Variants in MNX1 observed in about 807,000 individuals in gnomAD.
The protein encoded by MNX1 is motor neuron and pancreas homeobox 1, also known as motor neuron and pancreas homeobox protein 1.
In MNX1, 2 loss-of-function variants were observed where a neutral mutation model predicts 17.3. The observed-to-expected ratio is 0.12, with a 90% CI of 0.05 to 0.36. The LOEUF (loss-of-function observed/expected upper bound fraction) is 0.36, where lower values mean the gene tolerates loss of function less well. Ranked by LOEUF, MNX1 falls within the 10% of genes least tolerant of loss-of-function variation. MNX1 has a pLI of 1.00. For synonymous variants in MNX1, 306 were observed against 283.1 expected (o/e 1.08, Z -0.81); for missense variants, 556 against 564.7 (o/e 0.98, Z 0.16).
chr7:157,005,958 G>C, intron 2 of MNX1, 85 bp from the exon 3 acceptor site: 1 of 1,516,446 alleles, frequency 6.6e-7, no homozygotes, highest in South Asian at 1.1e-5. Context: ...CGTGCGCCTG[G>C]GCCCCATTGG....
chr7:157,009,574 A>C, intron 1 of MNX1, 86 bp downstream of exon 1: 2 of 1,541,116 alleles, frequency 1.3e-6, no homozygotes, highest in Non-Finnish European at 1.8e-6. Context: ...GCTGGGAGCC[A>C]AGCGCAGAGA....
Position 157,006,372 on chromosome 7 carries a change from G to A in MNX1, c.852+107C>T, listed in dbSNP as rs1002274390. On this transcript the variant is annotated intron_variant, in intron 2 of 2. Coordinates refer to ENST00000252971, the MANE Select transcript of MNX1 (RefSeq NM_005515.4). This position sits in a 1 kb window ranked among gnomAD's most constrained non-coding sequence, Gnocchi z 6.3. ...AACCCGTGCGCCCGCCGTCTGAACC[G>A]TCGAGGCGCAGCGCTAGATGCCTCA... The A allele has an allele frequency of 1.0e-5, 13 of 1,301,182 alleles. No individual in the cohort carries two copies. Among genetic ancestry groups the A allele is most frequent in the African/African-American group, 8.8e-5 (6 of 68,042 alleles). 80.6% of individuals were successfully genotyped at this position (1,301,182 alleles called of 1,614,324 possible). A position where few individuals can be genotyped will look rare whatever the true frequency, so the allele number is the denominator to read the frequency against.
At chr7:157,008,927 C>A in intron 1 of MNX1, 2 of 1,493,100 alleles carry the variant, frequency 1.3e-6, no homozygotes, top group African/African-American at 1.4e-5. Context: ...GGAAGCTGCC[C>A]GAAGCCCAGC....
In MNX1 at chr7:157,006,482, G is replaced by T. The variant is rs768053476; in HGVS notation, c.849C>A (p.Thr283=). 8 of 1,610,168 alleles carry T rather than the reference G, an allele frequency of 5.0e-6. No homozygotes were observed. In the Admixed American group the frequency reaches 1.3e-4, roughly 27 times the overall value. The change falls in exon 2 of 3, where the codon ACC becomes ACA. Residue 283 remains threonine (T), a synonymous_variant. Coordinates refer to ENST00000252971, the MANE Select transcript of MNX1 (RefSeq NM_005515.4). This position sits in a 1 kb window ranked among gnomAD's most constrained non-coding sequence, Gnocchi z 6.3. ...CGGGGGCGGGGAGGGCGCGCACCTG[G>T]GTCTCGGTGAGCATGAGCGAGGTGG... ...EVATSLMLTE[T]QVKIWFQNRR...
chr7:157,007,844 C>T (rs1430336709), intron 1 of MNX1: 2 of 152,212 alleles, frequency 1.3e-5, no homozygotes, highest in Non-Finnish European at 2.9e-5. Flanking sequence ...TCAAACAAGG[C>T]CCCGAATTCC....
chr7:157,007,660 A>G (rs944940529), intron 1 of MNX1: 3 of 152,232 alleles, frequency 2.0e-5, no homozygotes, highest in African/African-American at 7.2e-5. Flanking sequence ...ATCACAGAGA[A>G]TTTTATGACC....
chr7:157,010,033 C>T lies in MNX1; in HGVS notation c.318G>A (p.Thr106=), dbSNP rs1319001113. 3 of 984,102 alleles carry T rather than the reference C, an allele frequency of 3.0e-6. No homozygotes were observed. The highest frequency in any genetic ancestry group is 3.6e-6 in the Non-Finnish European group (3 of 837,198). The allele number at this position is 984,102 out of a possible 1,614,324, so 61.0% of individuals were successfully genotyped here. A position where few individuals can be genotyped will look rare whatever the true frequency, so the allele number is the denominator to read the frequency against. ...FLGAGGGGGG[T]GGGHGGPHHH... ...GGTGGGGCCCCCCGTGCCCGCCGCC[C>T]GTGCCGCCGCCGCCGCCGCCCGCGC... Residue 106 remains threonine, a synonymous_variant, in exon 1 of 3, where the codon ACG becomes ACA. Coordinates refer to ENST00000252971, the MANE Select transcript of MNX1 (RefSeq NM_005515.4).
Position 157,010,066 on chromosome 7 carries a change from G to A in MNX1, c.285C>T (p.Gly95=). The A allele has an allele frequency of 1.0e-6, 1 of 997,508 alleles. No homozygotes were observed. The highest frequency in any genetic ancestry group is 1.2e-6 in the Non-Finnish European group (1 of 841,326). 61.8% of individuals were successfully genotyped at this position (997,508 alleles called of 1,614,324 possible). The change falls in exon 1 of 3, where the codon GGC becomes GGT. Residue 95 remains glycine (G), a synonymous_variant. Coordinates refer to ENST00000252971, the MANE Select transcript of MNX1 (RefSeq NM_005515.4). The stretch of plus-strand genomic sequence containing the variant: ...CGCCGCCGCCGCCCGCGCCCAGGAA[G>A]CCCGGCTTGGGCAGCAGCGCGCAGT... ...AAHCALLPKP[G]FLGAGGGGGG... is the part of the protein sequence containing the mutation.
chr7:157,009,870 G>T lies in MNX1; in HGVS notation c.481C>A (p.His161Asn). ...GLPAQAALYG[H>N]PVYGYSAAAA... ...GCCGCGGAGTAGCCGTAGACCGGGT[G>T]GCCGTAGAGCGCCGCCTGCGCCGGG... is the stretch of plus-strand genomic sequence containing the variant. Residue 161 changes from histidine (H) to asparagine (N), a missense_variant, in exon 1 of 3, where the codon CAC (histidine) becomes AAC (asparagine). By Grantham distance (68) the His-to-Asn change is moderately conservative (BLOSUM62 1). This residue lies in a region of MNX1 where 210 missense variants were observed against 211.3 expected (regional missense o/e 0.99). Coordinates refer to ENST00000252971, the MANE Select transcript of MNX1 (RefSeq NM_005515.4). The T allele has an allele frequency of 6.8e-7, 1 of 1,463,754 alleles. No individual in the cohort carries two copies. Among genetic ancestry groups the T allele is most frequent in the African/African-American group, 1.5e-5 (1 of 67,458 alleles). 90.7% of individuals were successfully genotyped at this position (1,463,754 alleles called of 1,614,324 possible). A position where few individuals can be genotyped will look rare whatever the true frequency, so the allele number is the denominator to read the frequency against.
chr7:157,010,270 C>A lies in MNX1; in HGVS notation c.81G>T (p.Pro27=). 1 of 1,513,536 alleles carries A rather than the reference C, an allele frequency of 6.6e-7. No homozygotes were observed. The highest frequency in any genetic ancestry group is 8.9e-7 in the Non-Finnish European group (1 of 1,129,562). The allele number at this position is 1,513,536 out of a possible 1,614,324, so 93.8% of individuals were successfully genotyped here. The change falls in exon 1 of 3, where the codon CCG becomes CCT. Residue 27 remains proline, a synonymous_variant. Transcript: ENST00000252971. ...CGGCGAGCGACGTGACCAAGGCCAG[C>A]GGCGCGCTCTGCGCAGAGGCGGCTC... The part of the protein sequence containing the change: ...PPRAASAQSA[P]LALVTSLAAA...
intron 1 of MNX1, chr7:157,007,459 C>T (rs1486981323): frequency 6.6e-6 from 1 of 152,374 alleles, no homozygotes. Flanking sequence ...ACCCTCCCAC[C>T]TTCCAAATGT....
chr7:157,005,763 C>A lies in MNX1; in HGVS notation c.963G>T (p.Gly321=). The A allele has an allele frequency of 6.2e-7, 1 of 1,609,626 alleles. No individual in the cohort carries two copies. The highest frequency in any genetic ancestry group is 1.3e-5 in the African/African-American group (1 of 75,014). ...CTCCCGGCTCCTCCGCGCCGCCCTT[C>A]CCCGCGCCCCCGCCGCCGCCCTTCT... ...EKQKGGGGGA[G]KGGAEEPGAE... is the part of the protein sequence containing the mutation. The change falls in exon 3 of 3, where the codon GGG becomes GGT. Residue 321 remains glycine (G), a synonymous_variant. Transcript: ENST00000252971.
In MNX1 at chr7:157,009,988, T is replaced by C; in HGVS notation, c.363A>G (p.Ala121=). The C allele has an allele frequency of 1.5e-6, 1 of 660,756 alleles. No individual in the cohort carries two copies. Among genetic ancestry groups the C allele is most frequent in the Non-Finnish European group, 1.8e-6 (1 of 571,010 alleles). The allele number at this position is 660,756 out of a possible 1,614,324, so 40.9% of individuals were successfully genotyped here. ...GGPHHHAHPG[A]AAAAAAAAAA... ...CGGCGGCGGCGGCGGCAGCGGCCGC[T>C]GCGCCCGGATGCGCGTGGTGGTGGG... is the stretch of plus-strand genomic sequence containing the variant. The change falls in exon 1 of 3, where the codon GCA becomes GCG. Residue 121 remains alanine, a synonymous_variant. Coordinates refer to ENST00000252971, the MANE Select transcript of MNX1 (RefSeq NM_005515.4).
Position 157,005,093 on chromosome 7 carries a change from C to A in MNX1, c.*427G>T. The A allele has an allele frequency of 4.4e-6, 1 of 228,076 alleles. No homozygotes were observed. The allele number at this position is 228,076 out of a possible 1,614,324, so 14.1% of individuals were successfully genotyped here. The stretch of plus-strand genomic sequence containing the variant: ...CAAATACTCTGCAGAATGGCGGCTC[C>A]AGAGGCGGTTTCAAGTTTCATAAGT... On this transcript the variant is annotated 3_prime_UTR_variant, in exon 3 of 3. Transcript: ENST00000252971.
Position 157,006,530 on chromosome 7 carries a change from C to T in MNX1, c.801G>A (p.Ser267=). The change falls in exon 2 of 3, where the codon TCG becomes TCA. Residue 267 remains serine, a synonymous_variant. Coordinates refer to ENST00000252971, the MANE Select transcript of MNX1 (RefSeq NM_005515.4). This position sits in a 1 kb window ranked among gnomAD's most constrained non-coding sequence, Gnocchi z 6.3. ...EHQFKLNKYL[S]RPKRFEVATS... The stretch of plus-strand genomic sequence containing the variant: ...TGGCCACCTCGAAGCGCTTGGGCCG[C>T]GACAGGTACTTGTTGAGCTTGAACT... 1 of 1,611,056 alleles carries T rather than the reference C, an allele frequency of 6.2e-7. No homozygotes were observed. The highest frequency in any genetic ancestry group is 8.5e-7 in the Non-Finnish European group (1 of 1,179,318).
rs1477435584 is a variant in MNX1, at chr7:157,005,452, G to C, written c.*68C>G. The C allele has an allele frequency of 1.8e-6, 2 of 1,137,624 alleles. No homozygotes were observed. The highest frequency in any genetic ancestry group is 2.2e-6 in the Non-Finnish European group (2 of 910,282). The allele number at this position is 1,137,624 out of a possible 1,614,324, so 70.5% of individuals were successfully genotyped here. A position where few individuals can be genotyped will look rare whatever the true frequency, so the allele number is the denominator to read the frequency against. The stretch of plus-strand genomic sequence containing the variant: ...GCCGGGCCGGGTGGGTGCGGGCGCC[G>C]GGGCCTCCGGGAGAAGCCGCCGGCC... On this transcript the variant is annotated 3_prime_UTR_variant, in exon 3 of 3. Transcript: ENST00000252971.
In MNX1 at chr7:157,006,659, G is replaced by A. The variant is rs1409784313; in HGVS notation, c.692-20C>T. ...CCTGGGCTGGGGACCAAAGGGCAGT[G>A]AGGCCCACAGCCGGCTCCGGTCCTC... is the stretch of plus-strand genomic sequence containing the variant. On this transcript the variant is annotated intron_variant, in intron 1 of 2. Transcript: ENST00000252971. This position sits in a 1 kb window ranked among gnomAD's most constrained non-coding sequence, Gnocchi z 6.3. 3.2e-6 allele frequency: 5 copies of A among 1,564,868 alleles called. No individual in the cohort carries two copies. Among genetic ancestry groups the A allele is most frequent in the Non-Finnish European group, 4.3e-6 (5 of 1,156,816 alleles).
chr7:157,006,633 G>C lies in MNX1; in HGVS notation c.698C>G (p.Ala233Gly). 1 of 1,591,406 alleles carries C rather than the reference G, an allele frequency of 6.3e-7. No homozygotes were observed. Among genetic ancestry groups the C allele is most frequent in the Non-Finnish European group, 8.5e-7 (1 of 1,170,798 alleles). Residue 233 changes from alanine (A) to glycine (G), a missense_variant, in exon 2 of 3, where the codon GCG (alanine) becomes GGG (glycine). By Grantham distance (60) the Ala-to-Gly change is moderately conservative. Transcript: ENST00000252971. The surrounding 1 kb of genome is among the most constrained non-coding windows in gnomAD (Gnocchi z 6.3). ...GCACTTCCCCAGGAGGTTCGACTGCGCCTGGGCTGGGGACCAAAGGGCAGT... is the reference window on the plus strand; with the variant it reads ...GCACTTCCCCAGGAGGTTCGACTGCCCCTGGGCTGGGGACCAAAGGGCAGT... ...LPKMPDFNSQ[A>G]QSNLLGKCRR...
rs988657656 is a variant in MNX1, at chr7:157,005,671, C to T, written c.1055G>A (p.Arg352Lys). ...CTCGTCCTCCTCGGGGTCACTGTCCCTCAAGTCCCGCAGGCGGCGTCCGCT... is the reference window on the plus strand; with the variant it reads ...CTCGTCCTCCTCGGGGTCACTGTCCTTCAAGTCCCGCAGGCGGCGTCCGCT... ...KGSGRRLRDL[R>K]DSDPEEDEDE... The change falls in exon 3 of 3, where the codon AGG becomes AAG. Residue 352 changes from arginine (R) to lysine (K), a missense_variant. Transcript: ENST00000252971. 6.2e-7 allele frequency: 1 copy of T among 1,610,862 alleles called. No individual in the cohort carries two copies. The highest frequency in any genetic ancestry group is 1.3e-5 in the African/African-American group (1 of 74,974).
Sources: allele counts gnomAD v4.1 joint callset, GRCh38; gene constraint gnomAD v4.1.1; regional missense constraint gnomAD v4.1.1; non-coding constraint Gnocchi (gnomAD v3.1); transcripts MANE v1.5; gene names NCBI Gene and HGNC (gene_info 2026-07-23, HGNC 2026-07-21).